The following EEPD1 variants were observed in gnomAD, a reference collection of about 807,000 sequenced individuals.
EEPD1 encodes endonuclease/exonuclease/phosphatase family domain containing 1, also known as endonuclease/exonuclease/phosphatase family domain-containing protein 1.
Under a neutral mutation model 46.3 loss-of-function variants are expected in EEPD1, and 17 were observed. The observed-to-expected ratio is 0.37, with a 90% CI of 0.25 to 0.55. The LOEUF is 0.55. EEPD1 is among the 20% of genes least tolerant of loss of function. EEPD1 has a pLI of 0.83. For synonymous variants in EEPD1, 313 were observed against 315.6 expected, an observed-to-expected ratio of 0.99 and a Z score of 0.09; for missense variants, 673 against 745.6, an observed-to-expected ratio of 0.90 and a Z score of 1.13.
At chr7:36,286,087 G>C (rs986873506) in intron 5 of EEPD1, among the ~76,000 whole-genome samples, 1 of 152,128 alleles carries the variant, frequency 6.6e-6, no homozygotes, top group East Asian at 1.9e-4. Context: ...TGGCCACCTG[G>C]GGTTATGGCC....
intron 2 of EEPD1, among the ~76,000 whole-genome samples, chr7:36,164,051 A>G (rs902772035): frequency 1.3e-5 from 2 of 152,210 alleles, no homozygotes; most frequent in African/African-American, 2.4e-5. Context: ...TGATATCATC[A>G]TGTGTCTACG....
chr7:36,263,924 G>A (rs1414310658), intron 3 of EEPD1, among the ~76,000 whole-genome samples: 5 of 152,312 alleles, frequency 3.3e-5, no homozygotes, highest in Non-Finnish European at 7.4e-5. Flanking sequence ...GAAGTAACAA[G>A]TATTTTTATG....
intron 2 of EEPD1, among the ~76,000 whole-genome samples, chr7:36,194,952 C>T (rs578239082): frequency 2.0e-5 from 3 of 152,358 alleles, no homozygotes; most frequent in African/African-American, 7.2e-5. Context: ...CAAAATCTTT[C>T]TCTTTGCAAC....
chr7:36,190,950 A>C (rs776519226), intron 2 of EEPD1, among the ~76,000 whole-genome samples: 1 of 152,184 alleles, frequency 6.6e-6, no homozygotes. Context: ...CTTGCAGGCC[A>C]CCTTCCCTTA....
intron 2 of EEPD1, among the ~76,000 whole-genome samples, chr7:36,157,551 A>C (rs1784844895): frequency 6.6e-6 from 1 of 152,188 alleles, no homozygotes; most frequent in Non-Finnish European, 1.5e-5. Context: ...AGAGTACAGG[A>C]AAAGTTTACC....
intron 2 of EEPD1, among the ~76,000 whole-genome samples, chr7:36,216,615 A>G (rs1043979190): frequency 6.6e-6 from 1 of 152,234 alleles, no homozygotes; most frequent in Non-Finnish European, 1.5e-5. Context: ...GCAGAGTTCA[A>G]AGTTTTTCAC....
intron 6 of EEPD1, among the ~76,000 whole-genome samples, chr7:36,288,560 A>G (rs1040273837): frequency 8.5e-5 from 13 of 152,312 alleles, no homozygotes; most frequent in South Asian, 2.1e-4. Context: ...CAGGAGTTCA[A>G]GAGCAGCTTG....
chr7:36,275,026 T>A (rs1283706131), intron 3 of EEPD1, among the ~76,000 whole-genome samples: 1 of 152,242 alleles, frequency 6.6e-6, no homozygotes, highest in Non-Finnish European at 1.5e-5. Context: ...CAAAATAGAT[T>A]GCGTTTTCAG....
intron 2 of EEPD1, among the ~76,000 whole-genome samples, chr7:36,168,488 C>T (rs971245100): frequency 6.6e-6 from 1 of 152,178 alleles, no homozygotes; most frequent in East Asian, 1.9e-4. Flanking sequence ...GGCACGGTGG[C>T]TCACGCCTGT....
At chr7:36,253,795 C>T (rs1252304236) in intron 3 of EEPD1, among the ~76,000 whole-genome samples, 1 of 152,070 alleles carries the variant, frequency 6.6e-6, no homozygotes, top group East Asian at 1.9e-4. Flanking sequence ...TTTTTCCATC[C>T]TATTACATTC....
intron 3 of EEPD1, among the ~76,000 whole-genome samples, chr7:36,266,830 A>G (rs2115840776): frequency 6.6e-6 from 1 of 152,344 alleles, no homozygotes; most frequent in African/African-American, 2.4e-5. Context: ...GGAGTCATAC[A>G]ATATGTAGCC....
intron 3 of EEPD1, among the ~76,000 whole-genome samples, chr7:36,254,073 AT>A (rs1266770854): frequency 6.6e-6 from 1 of 152,096 alleles, no homozygotes; most frequent in Non-Finnish European, 1.5e-5. Flanking sequence ...TATTTTAATA[AT>A]TTTTAACTAT....
intron 2 of EEPD1, among the ~76,000 whole-genome samples, chr7:36,166,133 G>A (rs1223013508): frequency 1.3e-5 from 2 of 152,152 alleles, no homozygotes; most frequent in Admixed American, 1.3e-4. Context: ...TTAAATACAT[G>A]TCCACACAAG....
intron 2 of EEPD1, among the ~76,000 whole-genome samples, chr7:36,157,145 A>G (rs1030590022): frequency 6.6e-6 from 1 of 152,228 alleles, no homozygotes; most frequent in Admixed American, 6.5e-5. Flanking sequence ...GTTATATGTA[A>G]ATAATATGCC....
At chr7:36,243,673 G>A (rs1039852018) in intron 3 of EEPD1, among the ~76,000 whole-genome samples, 3 of 152,138 alleles carry the variant, frequency 2.0e-5, no homozygotes, top group African/African-American at 7.2e-5. Flanking sequence ...TCCTTCACAA[G>A]TACTGGTGGA....
intron 2 of EEPD1, among the ~76,000 whole-genome samples, chr7:36,174,275 GT>G (rs1389924449): frequency 6.6e-6 from 1 of 152,210 alleles, no homozygotes; most frequent in Non-Finnish European, 1.5e-5. Context: ...GTTGATTTCT[GT>G]TTCTTGCAAT....
intron 3 of EEPD1, among the ~76,000 whole-genome samples, chr7:36,280,308 G>A (rs912537736): frequency 1.3e-5 from 2 of 152,196 alleles, no homozygotes; most frequent in African/African-American, 4.8e-5. Context: ...TAAGCGGAGA[G>A]AGTGGTGATG....
In EEPD1 at chr7:36,154,624, G is replaced by A; in HGVS notation, c.300G>A (p.Val100=). 6.2e-7 allele frequency: 1 copy of A among 1,614,016 alleles called. No individual in the cohort carries two copies. The highest frequency in any genetic ancestry group is 8.5e-7 in the Non-Finnish European group (1 of 1,180,018). Reference sequence around the variant, plus strand: ...AGCAGGTCAAGTTTGAGATCTGTGTGAGCAGCAAGGGCAGCTCAGCGCAGC... The same window carrying A: ...AGCAGGTCAAGTTTGAGATCTGTGTAAGCAGCAAGGGCAGCTCAGCGCAGC... ...KLEQVKFEIC[V]SSKGSSAQHS... Residue 100 remains valine (V), a synonymous_variant, in exon 2 of 8, where the codon GTG becomes GTA. Transcript: ENST00000242108. The surrounding 1 kb of genome is among the most constrained non-coding windows in gnomAD (Gnocchi z 4.2).
chr7:36,188,472 G>C (rs1785404361), intron 2 of EEPD1, among the ~76,000 whole-genome samples: 1 of 152,180 alleles, frequency 6.6e-6, no homozygotes, highest in African/African-American at 2.4e-5. Flanking sequence ...TGATGCATGT[G>C]TGAAACATTC....
Sources: allele counts gnomAD v4.1 joint callset (sites outside exome capture counted in the v4.1 genomes callset), GRCh38; gene constraint gnomAD v4.1.1; non-coding constraint Gnocchi (gnomAD v3.1); transcripts MANE v1.5; gene names NCBI Gene and HGNC (gene_info 2026-07-23, HGNC 2026-07-21).